The following SLC36A1 variants were observed in gnomAD, a reference collection of about 807,000 sequenced individuals.
SLC36A1 encodes the protein proton-coupled amino acid transporter 1.
Under a neutral mutation model 47.5 loss-of-function variants are expected in SLC36A1, and 30 were observed. That is an observed-to-expected ratio of 0.63 (90% confidence interval 0.47 to 0.86). SLC36A1 has a LOEUF of 0.86. SLC36A1 is among the 40% of genes least tolerant of loss of function. The pLI is 0.00. For missense variants in SLC36A1, 517 were observed against 606.0 expected (o/e 0.85, Z 1.54); for synonymous variants, 255 against 249.7 (o/e 1.02, Z -0.20).
At chr5:151,544,956 T>C in the SLC36A1 span, 37 of 1,614,026 alleles carry the variant, frequency 2.3e-5, no homozygotes, top group Middle Eastern at 1.6e-4. Flanking sequence ...CAATAGAGAC[T>C]CTGACCAAAC....
the SLC36A1 span, chr5:151,525,868 C>T: frequency 6.2e-7 from 1 of 1,614,074 alleles, no homozygotes; most frequent in Non-Finnish European, 8.5e-7. Context: ...GCCGTTGTTC[C>T]CCTTGGTGAT....
At chr5:151,381,110 C>A in the SLC36A1 span, 1 of 498,248 alleles carries the variant, frequency 2.0e-6, no homozygotes, top group South Asian at 1.8e-5. Context: ...CTCTGCCATC[C>A]TCCAGGACCT....
chr5:151,391,941 C>T, the SLC36A1 span, among the ~76,000 whole-genome samples: 1 of 152,180 alleles, frequency 6.6e-6, no homozygotes, highest in African/African-American at 2.4e-5. Context: ...AGGATTCCCT[C>T]TTTTTCTATT....
At chr5:151,554,432 C>T in the SLC36A1 span, 2 of 1,614,222 alleles carry the variant, frequency 1.2e-6, no homozygotes, top group Middle Eastern at 1.6e-4. Context: ...CAGGTCGATA[C>T]TGAAGGCCTC....
chr5:151,538,094 C>CAG, the SLC36A1 span: 44 of 590,742 alleles, frequency 7.4e-5, no homozygotes, highest in Non-Finnish European at 1.1e-4. Context: ...AGAACAGAGA[C>CAG]AGAGAGAGAG....
the SLC36A1 span, chr5:151,507,005 C>G: frequency 1.5e-6 from 1 of 664,384 alleles, no homozygotes; most frequent in African/African-American, 1.8e-5. Context: ...CATCCGTGCC[C>G]TGTAATCTTG....
At chr5:151,403,458 G>C in the SLC36A1 span, among the ~76,000 whole-genome samples, 2 of 152,036 alleles carry the variant, frequency 1.3e-5, no homozygotes, top group Admixed American at 1.3e-4. Context: ...TCATTTAAAA[G>C]CGTGTGGCAC....
the SLC36A1 span, among the ~76,000 whole-genome samples, chr5:151,394,556 A>G: frequency 1.3e-5 from 2 of 152,056 alleles, no homozygotes; most frequent in African/African-American, 2.4e-5. Flanking sequence ...GTCTTTGATG[A>G]TGGTGATGTA....
chr5:151,527,672 C>T, the SLC36A1 span, among the ~76,000 whole-genome samples: 1 of 152,136 alleles, frequency 6.6e-6, no homozygotes. Flanking sequence ...TGGCATAAAT[C>T]CTTATAAAAC....
chr5:151,348,247 C>A, the SLC36A1 span, among the ~76,000 whole-genome samples: 1 of 152,198 alleles, frequency 6.6e-6, no homozygotes, highest in African/African-American at 2.4e-5. Flanking sequence ...GGGCAAGATA[C>A]TGGCGCCAGG....
the SLC36A1 span, among the ~76,000 whole-genome samples, chr5:151,361,823 A>G: frequency 2.0e-5 from 3 of 152,212 alleles, no homozygotes; most frequent in East Asian, 1.9e-4. Flanking sequence ...TCATATTTGA[A>G]AAATAGCATT....
rs1459827551 is a variant in SLC36A1, at chr5:151,488,490, A to G, written c.*236A>G. On this transcript the variant is annotated 3_prime_UTR_variant, in exon 11 of 11. Coordinates refer to ENST00000243389, the MANE Select transcript of SLC36A1 (RefSeq NM_078483.4). ...GGGCTGCCATCGCTCACCTGTACCT[A>G]TTTACACCCAGAACTTTCCAGCTCC... 1.4e-5 allele frequency: 8 copies of G among 552,804 alleles called. No homozygotes were observed. Among genetic ancestry groups the G allele is most frequent in the Admixed American group, 3.2e-5 (1 of 30,882 alleles). The allele number at this position is 552,804 out of a possible 1,614,324, so 34.2% of individuals were successfully genotyped here. A position where few individuals can be genotyped will look rare whatever the true frequency, so the allele number is the denominator to read the frequency against.
chr5:151,493,284 G>A (rs145377500), downstream of SLC36A1, among the ~76,000 whole-genome samples: 719 of 152,112 alleles, frequency 4.7e-3, 2 homozygotes, highest in South Asian at 0.036. Flanking sequence ...TCACTTCTGC[G>A]GCAAACACTA....
chr5:151,394,523 C>G, the SLC36A1 span, among the ~76,000 whole-genome samples: 1 of 152,166 alleles, frequency 6.6e-6, no homozygotes, highest in African/African-American at 2.4e-5. Flanking sequence ...TTTTTCCCAT[C>G]TTTGTGGTTT....
chr5:151,498,460 T>C, the SLC36A1 span, among the ~76,000 whole-genome samples: 2 of 152,218 alleles, frequency 1.3e-5, no homozygotes, highest in Admixed American at 1.3e-4. Context: ...ATCCCCACTT[T>C]GCAAACTAGG....
the SLC36A1 span, among the ~76,000 whole-genome samples, chr5:151,386,345 A>C: frequency 0.5 from 75,358 of 152,010 alleles, 20,702 homozygotes; most frequent in African/African-American, 0.75. Context: ...ACAAACTTTA[A>C]TTTGAACTTA....
chr5:151,465,021 G>A, intron 4 of SLC36A1, 53 bp from the exon 5 acceptor site: 1 of 1,422,074 alleles, frequency 7.0e-7, no homozygotes, highest in East Asian at 2.3e-5. Flanking sequence ...TTCTGTCATT[G>A]TCATTGTCTA....
chr5:151,469,199 T>G lies in SLC36A1; in HGVS notation c.723+1274T>G, dbSNP rs527551403. 1.5e-5 allele frequency: 10 copies of G among 689,250 alleles called. No individual in the cohort carries two copies. In the East Asian group the frequency reaches 2.7e-4, roughly 19 times the overall value. The allele number at this position is 689,250 out of a possible 1,614,324, so 42.7% of individuals were successfully genotyped here. ...TTGAATACCATGTCCCCACCCCGAG[T>G]CTCCTCTCAGGGACCCGCTGTATGT... is the stretch of plus-strand genomic sequence containing the variant. On this transcript the variant is annotated intron_variant, in intron 7 of 10. Transcript: ENST00000243389.
the SLC36A1 span, chr5:151,509,928 T>A: frequency 7.0e-7 from 1 of 1,432,550 alleles, no homozygotes; most frequent in South Asian, 1.3e-5. Context: ...TGCAGCACTC[T>A]CCCCTGGCCT....
Sources: gnomAD v4.1 joint callset for allele counts (sites outside exome capture counted in the v4.1 genomes callset) on GRCh38, gnomAD v4.1.1 for gene constraint, MANE v1.5 for transcripts, NCBI Gene and HGNC (gene_info 2026-07-23, HGNC 2026-07-21) for gene names.